Variants in FILIP1L observed in about 807,000 individuals in gnomAD.
FILIP1L encodes the protein filamin A-interacting protein 1-like.
In FILIP1L, 55 loss-of-function variants were observed where a neutral mutation model predicts 96.6. The ratio of observed to expected loss-of-function variants is 0.57; its 90% CI spans 0.46 to 0.71. FILIP1L has a LOEUF of 0.71. Among genes scored for constraint, FILIP1L ranks in the 30% least tolerant of loss-of-function variants. The pLI, the probability that FILIP1L is intolerant of heterozygous loss-of-function variation, is 0.00. For missense variants in FILIP1L, 1,304 were observed against 1,321.2 expected (o/e 0.99, Z 0.20); for synonymous variants, 467 against 473.9 (o/e 0.99, Z 0.19).
intron 4 of FILIP1L, among the ~76,000 whole-genome samples, chr3:99,866,121 T>C (rs1193225882): frequency 6.6e-6 from 1 of 152,140 alleles, no homozygotes; most frequent in Non-Finnish European, 1.5e-5. Context: ...GCATGTATCC[T>C]TTTCCAGAAC....
At chr3:100,041,746 G>A (rs1422720836) in intron 1 of FILIP1L, among the ~76,000 whole-genome samples, 1 of 152,150 alleles carries the variant, frequency 6.6e-6, no homozygotes, top group African/African-American at 2.4e-5. Context: ...TGTCTATGTA[G>A]CATGGTTTTA....
intron 1 of FILIP1L, chr3:100,025,585 G>A (rs1174344937): frequency 1.3e-5 from 2 of 152,100 alleles, no homozygotes; most frequent in African/African-American, 4.8e-5. Context: ...GTTATATTGA[G>A]CAGTGCATTT....
intron 1 of FILIP1L, among the ~76,000 whole-genome samples, chr3:99,960,988 T>G (rs1277629040): frequency 6.6e-6 from 1 of 152,218 alleles, no homozygotes; most frequent in Non-Finnish European, 1.5e-5. Flanking sequence ...GGTGTGTGCA[T>G]GCGTGTGTGC....
intron 1 of FILIP1L, among the ~76,000 whole-genome samples, chr3:100,010,510 G>A (rs1263668695): frequency 6.6e-6 from 1 of 152,052 alleles, no homozygotes; most frequent in Non-Finnish European, 1.5e-5. Context: ...ATCCAACTAA[G>A]AGCAGTGACT....
At chr3:99,871,416 T>G (rs1944780544) in intron 4 of FILIP1L, among the ~76,000 whole-genome samples, 1 of 152,212 alleles carries the variant, frequency 6.6e-6, no homozygotes, top group African/African-American at 2.4e-5. Flanking sequence ...CCTCGGTACT[T>G]TCCTAGGCAC....
At chr3:99,988,157 G>A (rs536339854) in intron 1 of FILIP1L, among the ~76,000 whole-genome samples, 1 of 151,732 alleles carries the variant, frequency 6.6e-6, no homozygotes, top group Non-Finnish European at 1.5e-5. Context: ...AAAGAATTGT[G>A]GGATCTTTTA....
At chr3:99,925,862 G>A in intron 3 of FILIP1L, 1 of 985,418 alleles carries the variant, frequency 1.0e-6, no homozygotes, top group Non-Finnish European at 1.2e-6. Context: ...CACTGGGCTG[G>A]TTTATCAGCT....
At chr3:100,070,612 C>T (rs988597127) in intron 1 of FILIP1L, among the ~76,000 whole-genome samples, 1 of 152,038 alleles carries the variant, frequency 6.6e-6, no homozygotes, top group South Asian at 2.1e-4. Context: ...TTCATATCAT[C>T]GTGGGGTTTT....
At chr3:100,096,930 T>G (rs1165826096) in intron 1 of FILIP1L, among the ~76,000 whole-genome samples, 4 of 152,122 alleles carry the variant, frequency 2.6e-5, no homozygotes, top group South Asian at 4.1e-4. Context: ...TAAAAAAATT[T>G]TAAATGAAAG....
chr3:99,967,396 A>G (rs1298469989), intron 1 of FILIP1L, among the ~76,000 whole-genome samples: 2 of 152,242 alleles, frequency 1.3e-5, no homozygotes, highest in African/African-American at 4.8e-5. Context: ...AAGAGTAAAT[A>G]GAAGTGTTCA....
In FILIP1L at chr3:100,045,250, G is replaced by T. The variant is rs115251172; in HGVS notation, c.-11+68803C>A. ...TCTAGCTGTGCAAAGAGGTTGAAAG[G>T]GATGCGTACAGCACATAGCACAGTA... On this transcript the variant is annotated intron_variant, in intron 1 of 5. Transcript: ENST00000477258. Among the ~76,000 whole-genome samples, 388 of 152,278 alleles carry T rather than the reference G, an allele frequency of 2.5e-3. 2 individuals carry two copies. Among genetic ancestry groups the T allele is most frequent in the African/African-American group, 8.9e-3 (368 of 41,554 alleles).
At position 99,849,537 on chromosome 3, in the gene FILIP1L, C is replaced by G. The variant is rs1391311698; in HGVS notation, c.2139G>C (p.Gly713=). 6.2e-7 allele frequency: 1 copy of G among 1,613,140 alleles called. No individual in the cohort carries two copies. The highest frequency in any genetic ancestry group is 8.5e-7 in the Non-Finnish European group (1 of 1,179,842). ...KRLQEEEAKS[G]HLSREVDALK... is the part of the protein sequence containing the mutation. Reference sequence around the variant, plus strand: ...ATGCATCCACTTCTCTTGAGAGGTGCCCTGACTTAGCTTCTTCTTCTTGAA... The same window carrying G: ...ATGCATCCACTTCTCTTGAGAGGTGGCCTGACTTAGCTTCTTCTTCTTGAA... Residue 713 remains glycine, a synonymous_variant, in exon 5 of 6, where the codon GGG becomes GGC. Transcript: ENST00000477258.
intron 1 of FILIP1L, among the ~76,000 whole-genome samples, chr3:100,000,999 A>AT (rs1383083981): frequency 3.3e-5 from 5 of 152,182 alleles, no homozygotes; most frequent in Admixed American, 6.5e-5. Context: ...TGGGTGATAG[A>AT]TTTTTTAAAA....
Position 99,849,724 on chromosome 3 carries a change from T to G in FILIP1L, c.1952A>C (p.Lys651Thr). The change falls in exon 5 of 6, where the codon AAA becomes ACA. Residue 651 changes from lysine to threonine, a missense_variant. Coordinates refer to ENST00000477258, the MANE Select transcript of FILIP1L (RefSeq NM_001387850.1). ...TAGAGTCTCATATTCATCTTCTGTT[T>G]TCATGAGGTCATCCTCAATGGCTTT... ...DMKAIEDDLM[K>T]TEDEYETLER... 6.2e-7 allele frequency: 1 copy of G among 1,613,884 alleles called. No homozygotes were observed. Among genetic ancestry groups the G allele is most frequent in the Non-Finnish European group, 8.5e-7 (1 of 1,180,016 alleles).
intron 1 of FILIP1L, among the ~76,000 whole-genome samples, chr3:100,088,023 G>C (rs1293528782): frequency 2.6e-5 from 4 of 152,042 alleles, no homozygotes; most frequent in African/African-American, 9.6e-5. Context: ...TAGAGATGGG[G>C]TTTTACCATG....
chr3:99,943,568 G>C (rs1052425337), intron 1 of FILIP1L, among the ~76,000 whole-genome samples: 3 of 152,088 alleles, frequency 2.0e-5, no homozygotes, highest in Non-Finnish European at 4.4e-5. Context: ...GCCGGGCGTG[G>C]TGGCATGCGC....
chr3:99,921,636 A>G (rs762471275), intron 4 of FILIP1L, among the ~76,000 whole-genome samples: 28 of 152,214 alleles, frequency 1.8e-4, no homozygotes, highest in Non-Finnish European at 3.8e-4. Flanking sequence ...ACAGAGTGAT[A>G]GACACTTTTT....
chr3:100,066,689 G>A (rs1341772948), intron 1 of FILIP1L, among the ~76,000 whole-genome samples: 1 of 131,790 alleles, frequency 7.6e-6, no homozygotes, highest in Non-Finnish European at 1.7e-5. Context: ...CCGCCACTAC[G>A]CCCGGCTAAT....
intron 3 of FILIP1L, among the ~76,000 whole-genome samples, chr3:99,927,052 A>G (rs1309644454): frequency 6.6e-6 from 1 of 152,032 alleles, no homozygotes; most frequent in Non-Finnish European, 1.5e-5. Context: ...TCTTCACTCC[A>G]TATCTTCCCA....
Sources: allele counts gnomAD v4.1 joint callset (sites outside exome capture counted in the v4.1 genomes callset), GRCh38; gene constraint gnomAD v4.1.1; transcripts MANE v1.5; gene names NCBI Gene and HGNC (gene_info 2026-07-23, HGNC 2026-07-21).